The following PPP2R2C variants were observed in gnomAD, a reference collection of about 807,000 sequenced individuals.
The protein encoded by PPP2R2C is protein phosphatase 2, regulatory subunit B, gamma.
Under a neutral mutation model 45.3 loss-of-function variants are expected in PPP2R2C, and 10 were observed. The observed-to-expected ratio is 0.22, with a 90% CI of 0.14 to 0.37. The LOEUF is 0.37. Ranked by LOEUF, PPP2R2C falls within the 10% of genes least tolerant of loss-of-function variation. PPP2R2C has a pLI of 1.00. For synonymous variants in PPP2R2C, 257 were observed against 245.4 expected, an observed-to-expected ratio of 1.05 and a Z score of -0.44; for missense variants, 308 against 619.7, an observed-to-expected ratio of 0.50 and a Z score of 5.34.
rs938595533 is a variant in PPP2R2C at position 6,345,038 on chromosome 4, C to G, written c.790+2808G>C. 1.3e-5 allele frequency among the ~76,000 whole-genome samples: 2 copies of G among 152,216 alleles called. No individual in the cohort carries two copies. Among genetic ancestry groups the G allele is most frequent in the African/African-American group, 4.8e-5 (2 of 41,454 alleles). ...CGGTTCCAGAAAAAGAAACAAAAAG[C>G]TGCCTCACTCATTTCAGAAGAGTTG... On this transcript the variant is annotated intron_variant, in intron 6 of 8. Coordinates refer to ENST00000382599, the MANE Select transcript of PPP2R2C (RefSeq NM_020416.4). The surrounding 1 kb of genome is among the most constrained non-coding windows in gnomAD (Gnocchi z 5.3).
intron 1 of PPP2R2C, among the ~76,000 whole-genome samples, chr4:6,456,307 TCC>T (rs5855915): frequency 0.015 from 1,200 of 81,434 alleles, 41 homozygotes; most frequent in Admixed American, 0.075. Context: ...GGATGTTATT[TCC>T]CCCCCCCCCC....
At chr4:6,486,481 C>T (rs563904405) in intron 2 of PPP2R2C, among the ~76,000 whole-genome samples, 6 of 152,102 alleles carry the variant, frequency 3.9e-5, no homozygotes, top group Admixed American at 6.5e-5. Flanking sequence ...TTATTGAAAC[C>T]TCCAACTATA....
intron 1 of PPP2R2C, among the ~76,000 whole-genome samples, chr4:6,465,319 A>G (rs79030669): frequency 0.016 from 2,404 of 152,260 alleles, 57 homozygotes; most frequent in African/African-American, 0.052. Flanking sequence ...TCAGAGGCCC[A>G]TGGACCCAAT....
chr4:6,513,521 G>T (rs1054652787), intron 2 of PPP2R2C, among the ~76,000 whole-genome samples: 2 of 152,220 alleles, frequency 1.3e-5, no homozygotes, highest in African/African-American at 4.8e-5. Context: ...CACTGCGAGG[G>T]AGGGGCCATG....
At chr4:6,474,127 C>T (rs767753121), upstream of PPP2R2C, among the ~76,000 whole-genome samples, 5 of 152,126 alleles carry the variant, frequency 3.3e-5, no homozygotes, top group Admixed American at 1.3e-4. Context: ...GGAAAGTGAC[C>T]GACACCCACA....
intron 5 of PPP2R2C, among the ~76,000 whole-genome samples, chr4:6,356,479 A>T (rs1444287872): frequency 6.6e-6 from 1 of 152,178 alleles, no homozygotes; most frequent in Non-Finnish European, 1.5e-5. Flanking sequence ...TCCAGAGTGC[A>T]ATCCTTGCCC....
At chr4:6,543,734 C>T (rs1175162700) in intron 1 of PPP2R2C, among the ~76,000 whole-genome samples, 1 of 152,172 alleles carries the variant, frequency 6.6e-6, no homozygotes, top group African/African-American at 2.4e-5. Context: ...GAAACAGGCT[C>T]CCTTGCCCTG....
intron 1 of PPP2R2C, among the ~76,000 whole-genome samples, chr4:6,420,043 C>T (rs536813795): frequency 6.6e-5 from 10 of 152,314 alleles, no homozygotes; most frequent in Admixed American, 2.6e-4. Context: ...TTTAAACGCA[C>T]GACAGTCTGC....
chr4:6,413,997 G>C, intron 1 of PPP2R2C: 2 of 1,534,942 alleles, frequency 1.3e-6, no homozygotes, highest in Non-Finnish European at 1.7e-6. Context: ...CATGTTGCCA[G>C]TCAATGGCCA....
At chr4:6,338,503 C>A (rs569790258) in intron 6 of PPP2R2C, among the ~76,000 whole-genome samples, 1 of 152,158 alleles carries the variant, frequency 6.6e-6, no homozygotes, top group Non-Finnish European at 1.5e-5. Context: ...GGAGGTGAAG[C>A]CTGAGAGCAG....
rs1278422069 is a variant in PPP2R2C, at chr4:6,398,077, G to T, written c.71-16983C>A. Among the ~76,000 whole-genome samples the T allele has an allele frequency of 9.2e-5, 14 of 152,276 alleles. No homozygotes were observed. In the East Asian group the frequency reaches 2.7e-3, roughly 29 times the overall value. ...ACAGTCTTTCCAATAAATGACTGGG[G>T]GCAAAATGAATATCAACTCTTACAC... On this transcript the variant is annotated intron_variant, in intron 1 of 8. Coordinates refer to ENST00000382599, the MANE Select transcript of PPP2R2C (RefSeq NM_020416.4).
rs71173447 is a variant in PPP2R2C at position 6,554,930 on chromosome 4, G to GGAAAGAAAGAAAGAAAGAAAGAAAGAAA, written c.-59+8602_-59+8629dup. Among the ~76,000 whole-genome samples the GGAAAGAAAGAAAGAAAGAAAGAAAGAAA allele has an allele frequency of 1.4e-4, 16 of 116,188 alleles. 1 individual carries two copies. The highest frequency in any genetic ancestry group is 5.0e-4 in the African/African-American group (13 of 25,938). 76.2% of individuals were successfully genotyped at this position (116,188 alleles called of 152,430 possible). On this transcript the variant is annotated intron_variant, in intron 1 of 9. Transcript: ENST00000506140. ...AGGAAGGAAGGAAGGAAGGAAGGAA[G>GGAAAGAAAGAAAGAAAGAAAGAAAGAAA]GAAAGAAAGAAAGAAAGAAAGAAAG...
At chr4:6,505,553 C>G (rs1470017028) in intron 2 of PPP2R2C, among the ~76,000 whole-genome samples, 1 of 152,180 alleles carries the variant, frequency 6.6e-6, no homozygotes, top group Non-Finnish European at 1.5e-5. Flanking sequence ...AATTAATAAA[C>G]TTTTCATAGT....
chr4:6,444,404 C>T (rs1176912776), intron 1 of PPP2R2C, among the ~76,000 whole-genome samples: 1 of 152,150 alleles, frequency 6.6e-6, no homozygotes, highest in Non-Finnish European at 1.5e-5. Flanking sequence ...AAAGCCTAGT[C>T]GTTACTTGTC....
chr4:6,425,189 A>T (rs1220187130), intron 1 of PPP2R2C, among the ~76,000 whole-genome samples: 1 of 152,166 alleles, frequency 6.6e-6, no homozygotes, highest in African/African-American at 2.4e-5. Context: ...CAGCCAGCAC[A>T]GCTCCCTGTC....
chr4:6,450,583 A>G (rs1224645567), intron 1 of PPP2R2C, among the ~76,000 whole-genome samples: 1 of 152,132 alleles, frequency 6.6e-6, no homozygotes. Flanking sequence ...GGAGGGGCCT[A>G]AGGAACGCCA....
At chr4:6,441,725 G>A (rs900629956) in intron 1 of PPP2R2C, among the ~76,000 whole-genome samples, 4 of 152,204 alleles carry the variant, frequency 2.6e-5, no homozygotes, top group African/African-American at 9.7e-5. Flanking sequence ...ACTTGATAAG[G>A]AATAGAGGGG....
chr4:6,374,647 G>A (rs967781754), intron 4 of PPP2R2C, among the ~76,000 whole-genome samples: 44 of 152,276 alleles, frequency 2.9e-4, no homozygotes, highest in African/African-American at 9.9e-4. Context: ...GGGTGCCCAC[G>A]GCCTCTCTGT....
intron 1 of PPP2R2C, among the ~76,000 whole-genome samples, chr4:6,385,659 TC>T (rs1301511272): frequency 2.6e-5 from 4 of 152,100 alleles, no homozygotes; most frequent in Non-Finnish European, 5.9e-5. Flanking sequence ...AACCTGTACC[TC>T]CTAGGTTCAA....
Sources: allele counts gnomAD v4.1 joint callset (sites outside exome capture counted in the v4.1 genomes callset), GRCh38; gene constraint gnomAD v4.1.1; non-coding constraint Gnocchi (gnomAD v3.1); transcripts MANE v1.5; gene names NCBI Gene and HGNC (gene_info 2026-07-23, HGNC 2026-07-21).